RBFOX1: variants seen among roughly 807,000 people sequenced by gnomAD.
RBFOX1 encodes RNA binding protein fox-1 homolog 1.
In RBFOX1, 8 loss-of-function variants were observed where a neutral mutation model predicts 57.7. That is an observed-to-expected ratio of 0.14 (90% CI 0.08 to 0.25). The LOEUF is 0.25. Among genes scored for constraint, RBFOX1 ranks in the 10% least tolerant of loss-of-function variants. RBFOX1 has a pLI of 1.00. For synonymous variants in RBFOX1, 326 were observed against 222.4 expected (o/e 1.47, Z -4.15); for missense variants, 611 against 548.5 (o/e 1.11, Z -1.14).
At chr16:7,076,625 GA>G (rs2153789027) in intron 4 of RBFOX1, among the ~76,000 whole-genome samples, 1 of 152,236 alleles carries the variant, frequency 6.6e-6, no homozygotes, top group South Asian at 2.1e-4. Flanking sequence ...TTTTGCACAT[GA>G]AATTTTTTTC....
chr16:5,633,277 G>T (rs992800512), intron 3 of RBFOX1, among the ~76,000 whole-genome samples: 25 of 152,040 alleles, frequency 1.6e-4, no homozygotes, highest in Non-Finnish European at 3.2e-4. Context: ...ACATTTTGAA[G>T]CTCCCACTCT....
intron 4 of RBFOX1, among the ~76,000 whole-genome samples, chr16:7,462,334 A>G (rs1380570656): frequency 6.6e-6 from 1 of 152,192 alleles, no homozygotes; most frequent in East Asian, 1.9e-4. Context: ...ATCTCTACTA[A>G]AAACACAAAA....
intron 5 of RBFOX1, among the ~76,000 whole-genome samples, chr16:7,552,894 G>A (rs1291560435): frequency 1.3e-5 from 2 of 151,984 alleles, no homozygotes; most frequent in Non-Finnish European, 1.5e-5. Flanking sequence ...TATTGGCCAG[G>A]CTGGTCTCAA....
chr16:6,533,175 A>G (rs1460142777), intron 2 of RBFOX1, among the ~76,000 whole-genome samples: 3 of 152,218 alleles, frequency 2.0e-5, no homozygotes, highest in African/African-American at 7.2e-5. Flanking sequence ...ATGGAACTAG[A>G]TGAGACCCTG....
chr16:5,902,465 G>T lies in RBFOX1; in HGVS notation c.351+35130G>T, dbSNP rs866386794. Among the ~76,000 whole-genome samples the T allele has an allele frequency of 2.0e-5, 3 of 152,058 alleles. No homozygotes were observed. The East Asian group carries it at 5.8e-4, about 29-fold the overall frequency. On this transcript the variant is annotated intron_variant, in intron 4 of 19. Transcript: ENST00000641259. ...GTCTTGCTCTGACACCCAGACTGGA[G>T]CGTAGTGATGCCATCTTGGCTTACT...
At chr16:5,703,157 A>G (rs1172192567) in intron 3 of RBFOX1, among the ~76,000 whole-genome samples, 1 of 152,224 alleles carries the variant, frequency 6.6e-6, no homozygotes, top group Non-Finnish European at 1.5e-5. Flanking sequence ...GGAGCAAATG[A>G]TCCTGTATAA....
chr16:6,975,369 G>A (rs551990034), intron 3 of RBFOX1, among the ~76,000 whole-genome samples: 2 of 152,068 alleles, frequency 1.3e-5, no homozygotes, highest in South Asian at 2.1e-4. Flanking sequence ...GGGTTCAAGC[G>A]ATTCTCCTGC....
chr16:7,452,289 C>A (rs1347690474), intron 4 of RBFOX1, among the ~76,000 whole-genome samples: 1 of 152,166 alleles, frequency 6.6e-6, no homozygotes, highest in South Asian at 2.1e-4. Context: ...TTGACAATTT[C>A]CATGAAAAAT....
intron 1 of RBFOX1, among the ~76,000 whole-genome samples, chr16:5,412,599 G>C (rs893287982): frequency 3.9e-5 from 6 of 152,204 alleles, no homozygotes; most frequent in African/African-American, 1.4e-4. Context: ...TTTAGAGTAG[G>C]GGAGGGAGGT....
intron 4 of RBFOX1, chr16:7,304,109 C>T (rs144123049): frequency 1.5e-3 from 1,082 of 701,462 alleles, no homozygotes; most frequent in Middle Eastern, 4.3e-3. Flanking sequence ...AGAGGAACGC[C>T]GGGATCTAGC....
chr16:5,541,381 C>G (rs1036608949), intron 2 of RBFOX1, among the ~76,000 whole-genome samples: 3 of 151,978 alleles, frequency 2.0e-5, no homozygotes, highest in African/African-American at 7.2e-5. Flanking sequence ...GACATGTGCC[C>G]AAGGTAGTCG....
intron 2 of RBFOX1, among the ~76,000 whole-genome samples, chr16:6,384,441 C>T (rs757849043): frequency 6.6e-6 from 1 of 152,134 alleles, no homozygotes; most frequent in Non-Finnish European, 1.5e-5. Flanking sequence ...TGCTTTAATT[C>T]TATCTTTCAT....
chr16:6,266,662 TGAG>T (rs1163918786), intron 1 of RBFOX1, among the ~76,000 whole-genome samples: 1 of 150,602 alleles, frequency 6.6e-6, no homozygotes, highest in Non-Finnish European at 1.5e-5. Flanking sequence ...TGCAGTGAGC[TGAG>T]ATCGCGCCAT....
Position 6,921,639 on chromosome 16 carries a change from ATATATATT to A in RBFOX1, c.-15-130416_-15-130409del, listed in dbSNP as rs1301454961. Among the ~76,000 whole-genome samples the A allele has an allele frequency of 4.3e-4, 41 of 95,034 alleles. 1 individual carries two copies. The highest frequency in any genetic ancestry group is 9.4e-4 in the African/African-American group (23 of 24,478). 62.3% of individuals were successfully genotyped at this position (95,034 alleles called of 152,430 possible). A position where few individuals can be genotyped will look rare whatever the true frequency, so the allele number is the denominator to read the frequency against. On this transcript the variant is annotated intron_variant, in intron 3 of 15. Transcript: ENST00000550418. ...CATAAATTACTGTATATATATATAT[ATATATATT>A]TTTTTTTTTCTTAGGGTTGCTTTCA... is the stretch of plus-strand genomic sequence containing the variant.
At chr16:7,367,804 C>G (rs999451221) in intron 4 of RBFOX1, among the ~76,000 whole-genome samples, 3 of 151,690 alleles carry the variant, frequency 2.0e-5, no homozygotes, top group Non-Finnish European at 4.4e-5. Flanking sequence ...GGTAAAAATC[C>G]AGATTTTTGT....
chr16:7,217,982 ATGTGCATG>A (rs1409481168), intron 4 of RBFOX1, among the ~76,000 whole-genome samples: 2 of 150,142 alleles, frequency 1.3e-5, no homozygotes, highest in African/African-American at 4.9e-5. Flanking sequence ...GCGTGTGTGC[ATGTGCATG>A]TGTGCACGTG....
chr16:7,366,325 G>C (rs1297093002), intron 4 of RBFOX1, among the ~76,000 whole-genome samples: 1 of 152,216 alleles, frequency 6.6e-6, no homozygotes, highest in Non-Finnish European at 1.5e-5. Context: ...TGAGCACCCT[G>C]GCTGAAAATC....
At chr16:6,677,934 T>C (rs766681887) in intron 3 of RBFOX1, among the ~76,000 whole-genome samples, 3 of 152,174 alleles carry the variant, frequency 2.0e-5, no homozygotes, top group Non-Finnish European at 4.4e-5. Flanking sequence ...TAAGGAACCA[T>C]AAAGAACATC....
At chr16:7,353,735 T>C (rs1312963565) in intron 4 of RBFOX1, among the ~76,000 whole-genome samples, 1 of 152,200 alleles carries the variant, frequency 6.6e-6, no homozygotes, top group Admixed American at 6.5e-5. Context: ...ATTCGATTTA[T>C]ATGAAATGTT....
Sources: gnomAD v4.1 joint callset for allele counts (sites outside exome capture counted in the v4.1 genomes callset) on GRCh38, gnomAD v4.1.1 for gene constraint, MANE v1.5 for transcripts, NCBI Gene and HGNC (gene_info 2026-07-23, HGNC 2026-07-21) for gene names.